SEMA4D: variants seen among roughly 807,000 people sequenced by gnomAD.
The protein encoded by SEMA4D is semaphorin 4D, also known as semaphorin-4D.
SEMA4D carries 22 observed loss-of-function variants against 74.8 expected under a neutral mutation model. That is an observed-to-expected ratio of 0.29 (90% CI 0.21 to 0.42). The LOEUF (loss-of-function observed/expected upper bound fraction) is 0.42. Among genes scored for constraint, SEMA4D ranks in the 10% least tolerant of loss-of-function variants. The probability of loss-of-function intolerance (pLI) is 1.00; values close to 1 mark genes in which losing one functional copy is unlikely to be tolerated. For missense variants in SEMA4D, 937 were observed against 1,118.4 expected (o/e 0.84, Z 2.31); for synonymous variants, 445 against 463.7 (o/e 0.96, Z 0.52).
chr9:89,432,627 T>A (rs529104365), intron 2 of SEMA4D, among the ~76,000 whole-genome samples: 11 of 152,200 alleles, frequency 7.2e-5, no homozygotes, highest in Non-Finnish European at 1.5e-4. Context: ...AATACCCATA[T>A]GAAAATGAGG....
intron 1 of SEMA4D, among the ~76,000 whole-genome samples, chr9:89,470,790 C>G (rs1859984631): frequency 6.6e-6 from 1 of 151,960 alleles, no homozygotes; most frequent in South Asian, 2.1e-4. Flanking sequence ...TGAAAGAAGT[C>G]AATCTCAAAA....
intron 5 of SEMA4D, among the ~76,000 whole-genome samples, chr9:89,398,049 C>G (rs1841379576): frequency 6.6e-6 from 1 of 152,198 alleles, no homozygotes; most frequent in African/African-American, 2.4e-5. Context: ...TCTAGGCAGA[C>G]AGGGGCAGGT....
chr9:89,497,665 G>T (rs1222832901), intron 1 of SEMA4D, among the ~76,000 whole-genome samples: 1 of 151,646 alleles, frequency 6.6e-6, no homozygotes, highest in African/African-American at 2.4e-5. Context: ...TAGCAGAGAG[G>T]TCCAGGGGGT....
At chr9:89,401,794 G>A (rs1020047034) in intron 4 of SEMA4D, among the ~76,000 whole-genome samples, 4 of 152,076 alleles carry the variant, frequency 2.6e-5, no homozygotes, top group South Asian at 2.1e-4. Flanking sequence ...GGACCTCTAC[G>A]GACCAAAATA....
At chr9:89,389,977 C>A (rs768729755) in intron 9 of SEMA4D, among the ~76,000 whole-genome samples, 14 of 151,952 alleles carry the variant, frequency 9.2e-5, no homozygotes, top group Admixed American at 3.3e-4. Context: ...CCACCCTAGT[C>A]CAGGAGTTCA....
chr9:89,481,852 AT>A (rs1222909919), intron 1 of SEMA4D, among the ~76,000 whole-genome samples: 5 of 152,234 alleles, frequency 3.3e-5, no homozygotes, highest in Non-Finnish European at 7.3e-5. Context: ...GGCTGGCTCC[AT>A]TTGTGAAGAT....
intron 16 of SEMA4D, among the ~76,000 whole-genome samples, chr9:89,365,917 A>T (rs919269609): frequency 6.6e-6 from 1 of 152,198 alleles, no homozygotes; most frequent in Non-Finnish European, 1.5e-5. Flanking sequence ...GCATCTGCTC[A>T]TCTTTGTCCG....
chr9:89,390,494 G>A (rs951476301), intron 9 of SEMA4D, among the ~76,000 whole-genome samples: 4 of 152,236 alleles, frequency 2.6e-5, no homozygotes, highest in African/African-American at 4.8e-5. Flanking sequence ...GCAAGGGGCT[G>A]TTAAGGGAAC....
At chr9:89,441,071 C>T (rs1168936461) in intron 2 of SEMA4D, among the ~76,000 whole-genome samples, 1 of 152,274 alleles carries the variant, frequency 6.6e-6, no homozygotes, top group Non-Finnish European at 1.5e-5. Context: ...CCTGGGCAAG[C>T]TGCTCCCTCA....
chr9:89,433,519 G>A (rs1484528958), intron 2 of SEMA4D, among the ~76,000 whole-genome samples: 3 of 152,246 alleles, frequency 2.0e-5, no homozygotes, highest in Non-Finnish European at 4.4e-5. Context: ...GGCCTTCTGA[G>A]CCCACGGTAT....
chr9:89,428,865 G>A (rs1169089383), intron 2 of SEMA4D, among the ~76,000 whole-genome samples: 3 of 152,244 alleles, frequency 2.0e-5, no homozygotes, highest in East Asian at 3.8e-4. Flanking sequence ...CTTGTCAGCA[G>A]CCAGCGCAAA....
intron 18 of SEMA4D, chr9:89,362,509 C>T (rs1047458942): frequency 1.9e-6 from 3 of 1,612,188 alleles, no homozygotes; most frequent in African/African-American, 1.3e-5. Flanking sequence ...GTCTCATAGC[C>T]CATCCCAGGC....
chr9:89,391,794 C>T (rs1367098004), intron 8 of SEMA4D, among the ~76,000 whole-genome samples: 1 of 152,236 alleles, frequency 6.6e-6, no homozygotes, highest in South Asian at 2.1e-4. Context: ...ACACATGCTT[C>T]ACATAAACAA....
Position 89,381,082 on chromosome 9 carries a change from T to C in SEMA4D, c.1636A>G (p.Met546Val), listed in dbSNP as rs962132337. ...GGGCACACAGAAGCATCGCCGCTCATCTCCTGAATCAAACCCCTGCAAAAC... is the reference window on the plus strand; with the variant it reads ...GGGCACACAGAAGCATCGCCGCTCACCTCCTGAATCAAACCCCTGCAAAAC... Reference protein sequence around the residue: ...ESPSRGLIQEMSGDASVCPDK... With the variant: ...ESPSRGLIQEVSGDASVCPDK... Residue 546 changes from methionine to valine, a missense_variant, in exon 15 of 16, where the codon ATG becomes GTG. Physicochemically the swap from Met to Val is conservative, Grantham distance 21 (BLOSUM62 1). Transcript: ENST00000422704. The surrounding 1 kb of genome is among the most constrained non-coding windows in gnomAD (Gnocchi z 4.6). 6.2e-7 allele frequency: 1 copy of C among 1,613,932 alleles called. No homozygotes were observed. Among genetic ancestry groups the C allele is most frequent in the African/African-American group, 1.3e-5 (1 of 74,888 alleles).
At chr9:89,486,849 GTGAGCTATGAT>G (rs1382868341) in intron 1 of SEMA4D, among the ~76,000 whole-genome samples, 1 of 152,156 alleles carries the variant, frequency 6.6e-6, no homozygotes, top group African/African-American at 2.4e-5. Context: ...CAAGGCTGCA[GTGAGCTATGAT>G]TGAGCTATGA....
At chr9:89,385,033 G>A (rs944203185) in intron 13 of SEMA4D, 59 of 985,250 alleles carry the variant, frequency 6.0e-5, no homozygotes, top group African/African-American at 7.0e-5. Context: ...ACCAGCAAGC[G>A]CTTCCCCAAA....
intron 1 of SEMA4D, among the ~76,000 whole-genome samples, chr9:89,480,723 A>G (rs886739266): frequency 9.9e-5 from 15 of 152,188 alleles, no homozygotes; most frequent in Middle Eastern, 3.2e-3. Flanking sequence ...TGCGGGGCCC[A>G]CCAAGCCCAC....
rs1452320701 is a variant in SEMA4D, at chr9:89,379,314, A to C, written c.1979T>G (p.Val660Gly). The stretch of plus-strand genomic sequence containing the variant: ...AATCCTACTACCTTCTGTCTGAACA[A>C]CTGACAAGGTGGGGGCCACTACGGG... ...PKPVVAPTLS[V>G]VQTEGSRIAT... Residue 660 changes from valine (V) to glycine (G), a missense_variant, in exon 16 of 16, where the codon GTT (valine) becomes GGT (glycine). By Grantham distance (109) the Val-to-Gly change is moderately radical. Coordinates refer to ENST00000422704, the MANE Select transcript of SEMA4D (RefSeq NM_001371194.2). 4 of 1,614,070 alleles carry C rather than the reference A, an allele frequency of 2.5e-6. No homozygotes were observed. The Admixed American group carries it at 5.0e-5, about 20-fold the overall frequency.
At chr9:89,394,600 G>A (rs1318813675) in intron 6 of SEMA4D, among the ~76,000 whole-genome samples, 1 of 152,250 alleles carries the variant, frequency 6.6e-6, no homozygotes, top group Non-Finnish European at 1.5e-5. Context: ...CAGGGCCCAC[G>A]GCGGGGCAAG....
Sources: gnomAD v4.1 joint callset for allele counts (sites outside exome capture counted in the v4.1 genomes callset) on GRCh38, gnomAD v4.1.1 for gene constraint, Gnocchi (gnomAD v3.1) non-coding constraint, MANE v1.5 for transcripts, NCBI Gene and HGNC (gene_info 2026-07-23, HGNC 2026-07-21) for gene names.